GARRE1: variants seen among roughly 807,000 people sequenced by gnomAD.
GARRE1 encodes granule associated Rac and RHOG effector 1.
Under a neutral mutation model 103.2 loss-of-function variants are expected in GARRE1, and 49 were observed. The ratio of observed to expected loss-of-function variants is 0.47; its 90% CI spans 0.38 to 0.60. GARRE1 has a LOEUF of 0.60. Ranked by LOEUF, GARRE1 falls within the 20% of genes least tolerant of loss-of-function variation. The pLI is 0.00. For missense variants in GARRE1, 1,199 were observed against 1,370.5 expected (o/e 0.87, Z 1.98); for synonymous variants, 505 against 532.8 (o/e 0.95, Z 0.72).
intron 1 of GARRE1, chr19:34,296,474 G>C: frequency 6.3e-7 from 1 of 1,594,122 alleles, no homozygotes; most frequent in South Asian, 1.1e-5. Flanking sequence ...CGAGCTTGTG[G>C]CTGACACCCT....
intron 1 of GARRE1, among the ~76,000 whole-genome samples, chr19:34,255,177 C>A (rs2073663923): frequency 1.7e-5 from 1 of 59,038 alleles, no homozygotes; most frequent in African/African-American, 7.5e-5. Flanking sequence ...GCGCATTGGG[C>A]CCGAGGGGAG....
chr19:34,344,383 G>T (rs1341088556), intron 10 of GARRE1, among the ~76,000 whole-genome samples: 4 of 152,074 alleles, frequency 2.6e-5, no homozygotes, highest in East Asian at 1.9e-4. Context: ...GAGGTCAGGA[G>T]ATCGAGACCA....
chr19:34,349,129 T>C lies in GARRE1; in HGVS notation c.2801T>C (p.Leu934Pro). 1 of 1,612,668 alleles carries C rather than the reference T, an allele frequency of 6.2e-7. No homozygotes were observed. Among genetic ancestry groups the C allele is most frequent in the Non-Finnish European group, 8.5e-7 (1 of 1,180,010 alleles). The change falls in exon 12 of 14, where the codon CTC becomes CCC. Residue 934 changes from leucine to proline, a missense_variant. Physicochemically the swap from Leu to Pro is moderately conservative, Grantham distance 98. Coordinates refer to ENST00000299505, the MANE Select transcript of GARRE1 (RefSeq NM_014686.5). Reference sequence around the variant, plus strand: ...TTCTCCATGTTTTCAGGGCCTGACCTCGTTGCTGCTGTCAAGCAGAGAAGG... The same window carrying C: ...TTCTCCATGTTTTCAGGGCCTGACCCCGTTGCTGCTGTCAAGCAGAGAAGG... ...SLFSMFSGPD[L>P]VAAVKQRRKH...
rs747209960 is a variant in GARRE1, at chr19:34,341,801, C to T, written c.1867C>T (p.Arg623Cys). The stretch of plus-strand genomic sequence containing the variant: ...GGCCAATGGCTTTCTCATGGAGAGG[C>T]GTGAGAACTTCCTGCATGGAGATGA... ...TVANGFLMERRENFLHGDDGK... is the reference protein window; with the variant it reads ...TVANGFLMERCENFLHGDDGK... The change falls in exon 10 of 14, where the codon CGT (arginine) becomes TGT (cysteine). Residue 623 changes from arginine to cysteine, a missense_variant. By Grantham distance (180) the Arg-to-Cys change is radical. Transcript: ENST00000299505. The T allele has an allele frequency of 6.2e-7, 1 of 1,614,144 alleles. No individual in the cohort carries two copies. Among genetic ancestry groups the T allele is most frequent in the Non-Finnish European group, 8.5e-7 (1 of 1,180,024 alleles).
chr19:34,298,278 T>C (rs2073957860), intron 1 of GARRE1, among the ~76,000 whole-genome samples: 1 of 151,556 alleles, frequency 6.6e-6, no homozygotes, highest in Non-Finnish European at 1.5e-5. Context: ...TAACCAAGCA[T>C]GGTGGTACAT....
intron 1 of GARRE1, among the ~76,000 whole-genome samples, chr19:34,282,153 T>A (rs1338045896): frequency 6.6e-5 from 10 of 152,156 alleles, no homozygotes; most frequent in Non-Finnish European, 1.5e-4. Context: ...TGCTTTTGGT[T>A]TTTTTTTCTC....
At chr19:34,287,410 G>A (rs2073893958) in intron 1 of GARRE1, among the ~76,000 whole-genome samples, 1 of 152,072 alleles carries the variant, frequency 6.6e-6, no homozygotes, top group African/African-American at 2.4e-5. Context: ...TCCTGCTTTG[G>A]CCTCCCAAAG....
chr19:34,316,130 T>C (rs534853840), intron 2 of GARRE1, among the ~76,000 whole-genome samples: 3 of 152,192 alleles, frequency 2.0e-5, no homozygotes, highest in African/African-American at 4.8e-5. Flanking sequence ...CTGCTTGACA[T>C]TGAGCAAGTT....
chr19:34,290,071 T>C (rs1354709848), intron 1 of GARRE1, among the ~76,000 whole-genome samples: 1 of 151,962 alleles, frequency 6.6e-6, no homozygotes, highest in African/African-American at 2.4e-5. Context: ...GTTGAAAATG[T>C]AAGGACCGGG....
At chr19:34,350,133 A>C (rs1047766658) in intron 12 of GARRE1, among the ~76,000 whole-genome samples, 3 of 152,206 alleles carry the variant, frequency 2.0e-5, no homozygotes, top group African/African-American at 4.8e-5. Context: ...TGAGGGTAGT[A>C]AATGCAGAGA....
chr19:34,264,169 A>G (rs1291133757), intron 1 of GARRE1, among the ~76,000 whole-genome samples: 1 of 152,210 alleles, frequency 6.6e-6, no homozygotes, highest in Admixed American at 6.5e-5. Context: ...AATGACAGAG[A>G]CAGCAGAGGC....
At chr19:34,344,128 A>G (rs2074199535) in intron 10 of GARRE1, among the ~76,000 whole-genome samples, 2 of 152,318 alleles carry the variant, frequency 1.3e-5, no homozygotes, top group South Asian at 2.1e-4. Flanking sequence ...AAAAAAAACC[A>G]TCTAAAATTA....
intron 3 of GARRE1, 103 bp from the exon 4 acceptor site, chr19:34,327,318 G>T: frequency 1.9e-6 from 2 of 1,080,146 alleles, no homozygotes; most frequent in Admixed American, 4.1e-5. Context: ...GTTTATTGCT[G>T]CATTTTACTT....
chr19:34,327,664 A>C, intron 4 of GARRE1, 103 bp downstream of exon 4: 1 of 1,480,222 alleles, frequency 6.8e-7, no homozygotes, highest in Non-Finnish European at 9.4e-7. Flanking sequence ...TAGAGTAGTA[A>C]TTGACCTTTT....
intron 2 of GARRE1, among the ~76,000 whole-genome samples, chr19:34,310,094 T>A (rs567723389): frequency 6.6e-6 from 1 of 152,322 alleles, no homozygotes; most frequent in South Asian, 2.1e-4. Context: ...TTTGAGTTGC[T>A]GAAAAGGCTT....
At chr19:34,314,756 T>A (rs537320629) in intron 2 of GARRE1, among the ~76,000 whole-genome samples, 1 of 152,338 alleles carries the variant, frequency 6.6e-6, no homozygotes, top group African/African-American at 2.4e-5. Flanking sequence ...GTTCTTTAGT[T>A]AGTTTTTTAC....
At chr19:34,266,850 C>T (rs189906796) in intron 1 of GARRE1, among the ~76,000 whole-genome samples, 7 of 152,006 alleles carry the variant, frequency 4.6e-5, no homozygotes, top group East Asian at 3.9e-4. Flanking sequence ...AATTATAGTT[C>T]GATTTACCTA....
intron 10 of GARRE1, 83 bp from the exon 11 acceptor site, chr19:34,347,794 G>A: frequency 7.7e-7 from 1 of 1,300,114 alleles, no homozygotes; most frequent in South Asian, 1.6e-5. Context: ...TTGCATGTGT[G>A]ACCAGCACGT....
chr19:34,257,603 T>C (rs1347426094), intron 1 of GARRE1, among the ~76,000 whole-genome samples: 1 of 152,190 alleles, frequency 6.6e-6, no homozygotes, highest in Non-Finnish European at 1.5e-5. Context: ...TTGATTTGTT[T>C]TGGAGTTATT....
Sources: allele counts gnomAD v4.1 joint callset (sites outside exome capture counted in the v4.1 genomes callset), GRCh38; gene constraint gnomAD v4.1.1; transcripts MANE v1.5; gene names NCBI Gene and HGNC (gene_info 2026-07-23, HGNC 2026-07-21).